The following AHRR variants were observed in gnomAD, a reference collection of about 807,000 sequenced individuals.
AHRR encodes the protein aryl hydrocarbon receptor repressor.
In AHRR, 28 loss-of-function variants were observed where a neutral mutation model predicts 44.0. The observed-to-expected ratio is 0.64, with a 90% CI of 0.47 to 0.87. The LOEUF is 0.87. AHRR is among the 40% of genes least tolerant of loss of function. The pLI is 0.00. For missense variants in AHRR, 990 were observed against 953.9 expected (o/e 1.04, Z -0.50); for synonymous variants, 434 against 407.0 (o/e 1.07, Z -0.80).
intron 1 of AHRR, among the ~76,000 whole-genome samples, chr5:323,263 G>A (rs1468249555): frequency 6.6e-6 from 1 of 152,242 alleles, no homozygotes. Context: ...ATTTCTGTGG[G>A]GAGTTTGGTC....
chr5:384,924 T>C (rs545603981), intron 4 of AHRR, among the ~76,000 whole-genome samples: 1 of 152,008 alleles, frequency 6.6e-6, no homozygotes, highest in African/African-American at 2.4e-5. Flanking sequence ...GGCAGGCGGA[T>C]CACAAGGTCA....
At chr5:403,682 A>ATTTTT in intron 4 of AHRR, 2 of 582,442 alleles carry the variant, frequency 3.4e-6, no homozygotes, top group South Asian at 4.8e-5. Flanking sequence ...TTAAAATGGT[A>ATTTTT]TTTTTTTTTT....
intron 2 of AHRR, among the ~76,000 whole-genome samples, chr5:347,938 G>GTGA (rs772985928): frequency 5.9e-5 from 9 of 152,250 alleles, no homozygotes; most frequent in Non-Finnish European, 1.3e-4. Context: ...CTCCTCTGTG[G>GTGA]TGATGGGGGA....
chr5:351,014 A>G (rs1310920747), intron 2 of AHRR, among the ~76,000 whole-genome samples: 1 of 152,238 alleles, frequency 6.6e-6, no homozygotes, highest in Non-Finnish European at 1.5e-5. Flanking sequence ...GCTCAACATC[A>G]TAAGTCATTA....
chr5:395,200 G>C lies in AHRR; in HGVS notation c.352-18144G>C, dbSNP rs1053493029. On this transcript the variant is annotated intron_variant, in intron 4 of 10. Transcript: ENST00000684583. The surrounding 1 kb of genome is among the most constrained non-coding windows in gnomAD (Gnocchi z 5.3). ...GCTTTTCTGGGGATCCTGTCCTCAA[G>C]TCCCCCTCCTGCCAGGTGGCCGACA... 1.3e-5 allele frequency among the ~76,000 whole-genome samples: 2 copies of C among 152,164 alleles called. No homozygotes were observed. Among genetic ancestry groups the C allele is most frequent in the African/African-American group, 4.8e-5 (2 of 41,430 alleles).
At chr5:427,640 C>CGG (rs1560923420) in intron 7 of AHRR, 167 bp from the exon 8 acceptor site, 1 of 1,613,390 alleles carries the variant, frequency 6.2e-7, no homozygotes, top group East Asian at 2.2e-5. Flanking sequence ...TCTGCAGGCC[C>CGG]GGGGGTCACA....
intron 5 of AHRR, among the ~76,000 whole-genome samples, chr5:413,926 T>C (rs1295424944): frequency 6.6e-6 from 1 of 152,190 alleles, no homozygotes; most frequent in Non-Finnish European, 1.5e-5. Flanking sequence ...CCTCGTCAGA[T>C]ACCAAGCCCT....
intron 3 of AHRR, among the ~76,000 whole-genome samples, chr5:375,441 C>T: frequency 6.6e-6 from 1 of 152,188 alleles, no homozygotes. Flanking sequence ...CTGTGTCTCC[C>T]TAACCCGCGG....
At chr5:348,289 C>G (rs758995066) in intron 2 of AHRR, among the ~76,000 whole-genome samples, 1 of 151,704 alleles carries the variant, frequency 6.6e-6, no homozygotes, top group Non-Finnish European at 1.5e-5. Flanking sequence ...GGGACAGTGC[C>G]TTCAGCTCAT....
chr5:363,595 C>G (rs752777398), intron 3 of AHRR, among the ~76,000 whole-genome samples: 8 of 152,220 alleles, frequency 5.3e-5, no homozygotes, highest in Non-Finnish European at 8.8e-5. Context: ...CCACATGCAG[C>G]CTAGTTGCCT....
chr5:354,049 C>G, intron 3 of AHRR, 138 bp downstream of exon 3: 1 of 952,912 alleles, frequency 1.0e-6, no homozygotes, highest in South Asian at 1.7e-5. Context: ...CACGCTGCCC[C>G]CAGAACCTGG....
intron 4 of AHRR, among the ~76,000 whole-genome samples, chr5:410,780 G>A (rs1441207488): frequency 6.6e-6 from 1 of 152,074 alleles, no homozygotes; most frequent in Non-Finnish European, 1.5e-5. Context: ...GGAGCCTGGA[G>A]TTTTCTTTGT....
intron 4 of AHRR, among the ~76,000 whole-genome samples, chr5:398,178 G>C (rs1301620873): frequency 3.4e-5 from 4 of 116,786 alleles, no homozygotes; most frequent in Non-Finnish European, 5.0e-5. Context: ...GACCATCCAC[G>C]TAGCTCCTGA....
At chr5:340,789 C>T (rs1194593975) in intron 1 of AHRR, among the ~76,000 whole-genome samples, 70 of 141,018 alleles carry the variant, frequency 5.0e-4, no homozygotes, top group Non-Finnish European at 8.7e-4. Context: ...CTCTGCCTCC[C>T]AGGTTCAAGC....
rs111411878 is a variant in AHRR, at chr5:406,112, G to A, written c.352-7232G>A. ...GGGAAAAAAAAACTAGGGAGAAAAC[G>A]GGAAAGGAAAGGCATTGTCCGGAAG... is the stretch of plus-strand genomic sequence containing the variant. On this transcript the variant is annotated intron_variant, in intron 4 of 10. Coordinates refer to ENST00000684583, the MANE Select transcript of AHRR (RefSeq NM_001377236.1). The surrounding 1 kb of genome is among the most constrained non-coding windows in gnomAD (Gnocchi z 4.7). Among the ~76,000 whole-genome samples, 10 of 152,360 alleles carry A rather than the reference G, an allele frequency of 6.6e-5. 2 individuals carry two copies. The highest frequency in any genetic ancestry group is 2.1e-4 in the South Asian group (1 of 4,826).
chr5:328,014 T>C (rs1034464024), intron 1 of AHRR, among the ~76,000 whole-genome samples: 3 of 152,128 alleles, frequency 2.0e-5, no homozygotes, highest in African/African-American at 7.2e-5. Context: ...AATTCCCACC[T>C]ATGAGTGAGA....
intron 9 of AHRR, 70 bp from the exon 10 acceptor site, chr5:432,736 C>T: frequency 1.2e-6 from 2 of 1,611,924 alleles, no homozygotes; most frequent in East Asian, 2.2e-5. Flanking sequence ...TTGCTGAGAA[C>T]AAGCAACCGT....
intron 3 of AHRR, among the ~76,000 whole-genome samples, chr5:371,648 C>A (rs929813277): frequency 1.3e-5 from 2 of 152,324 alleles, no homozygotes; most frequent in African/African-American, 4.8e-5. Context: ...CTGGGCTGAC[C>A]AGTCCTGGAC....
At chr5:394,031 G>A (rs1734589167) in intron 4 of AHRR, among the ~76,000 whole-genome samples, 1 of 152,236 alleles carries the variant, frequency 6.6e-6, no homozygotes, top group African/African-American at 2.4e-5. Context: ...GACATTCTGT[G>A]TCTGTCGCTG....
Sources: allele counts gnomAD v4.1 joint callset (sites outside exome capture counted in the v4.1 genomes callset), GRCh38; gene constraint gnomAD v4.1.1; non-coding constraint Gnocchi (gnomAD v3.1); transcripts MANE v1.5; gene names NCBI Gene and HGNC (gene_info 2026-07-23, HGNC 2026-07-21).